GRIP1: variants seen among roughly 807,000 people sequenced by gnomAD.
GRIP1 encodes the protein glutamate receptor-interacting protein 1.
In GRIP1, 45 loss-of-function variants were observed where a neutral mutation model predicts 129.9. The observed-to-expected ratio is 0.35, with a 90% CI of 0.27 to 0.44. The LOEUF (loss-of-function observed/expected upper bound fraction) is 0.44. Among genes scored for constraint, GRIP1 ranks in the 20% least tolerant of loss-of-function variants. GRIP1 has a pLI of 1.00. For missense variants in GRIP1, 1,196 were observed against 1,396.8 expected, an observed-to-expected ratio of 0.86 and a Z score of 2.29; for synonymous variants, 530 against 520.8, an observed-to-expected ratio of 1.02 and a Z score of -0.24.
intron 16 of GRIP1, among the ~76,000 whole-genome samples, chr12:66,405,248 T>C (rs2057149365): frequency 6.6e-6 from 1 of 152,000 alleles, no homozygotes. Flanking sequence ...ACAAAAAGAC[T>C]TGTAAGTATA....
intron 1 of GRIP1, among the ~76,000 whole-genome samples, chr12:66,841,419 G>A (rs2039713791): frequency 6.6e-6 from 1 of 152,178 alleles, no homozygotes; most frequent in Non-Finnish European, 1.5e-5. Flanking sequence ...TATAAAAAGA[G>A]AGAGAGAGAT....
At chr12:66,772,800 G>A (rs1157337109) in intron 1 of GRIP1, among the ~76,000 whole-genome samples, 1 of 152,112 alleles carries the variant, frequency 6.6e-6, no homozygotes, top group East Asian at 1.9e-4. Context: ...ACAAAGTATA[G>A]CACAAATGGG....
chr12:66,693,458 C>T lies in GRIP1; in HGVS notation c.-419-63122G>A, dbSNP rs1002016165. Reference sequence around the variant, plus strand: ...ATACATTCTCCAGGTCACCCCAGTCCCCACTAGGGTTCCTTCATTCACTGT... The same window carrying T: ...ATACATTCTCCAGGTCACCCCAGTCTCCACTAGGGTTCCTTCATTCACTGT... On this transcript the variant is annotated intron_variant, in intron 1 of 4. Transcript: ENST00000538373. Among the ~76,000 whole-genome samples, 24 of 152,088 alleles carry T rather than the reference C, an allele frequency of 1.6e-4. 1 individual carries two copies. Among genetic ancestry groups the T allele is most frequent in the African/African-American group, 5.6e-4 (23 of 41,402 alleles).
At chr12:66,585,935 G>A (rs1309297795) in intron 2 of GRIP1, among the ~76,000 whole-genome samples, 1 of 152,120 alleles carries the variant, frequency 6.6e-6, no homozygotes, top group East Asian at 1.9e-4. Context: ...CCTCTTCAAA[G>A]ACTGCTTTTG....
intron 1 of GRIP1, among the ~76,000 whole-genome samples, chr12:66,870,263 T>G (rs944579959): frequency 1.3e-5 from 2 of 152,120 alleles, no homozygotes; most frequent in African/African-American, 4.8e-5. Context: ...TCTATGGGTA[T>G]AGCTGAAGGG....
intron 1 of GRIP1, among the ~76,000 whole-genome samples, chr12:66,912,755 T>C (rs2137319318): frequency 6.6e-6 from 1 of 152,204 alleles, no homozygotes; most frequent in Admixed American, 6.5e-5. Flanking sequence ...GTGAGGGTAT[T>C]TTTGTGGGGG....
At chr12:66,839,785 C>A (rs896743440) in intron 1 of GRIP1, among the ~76,000 whole-genome samples, 1 of 152,194 alleles carries the variant, frequency 6.6e-6, no homozygotes, top group African/African-American at 2.4e-5. Context: ...GAGTTCAGCT[C>A]AACAAGTATT....
chr12:66,783,716 T>A (rs2038230203), intron 1 of GRIP1, among the ~76,000 whole-genome samples: 1 of 152,166 alleles, frequency 6.6e-6, no homozygotes, highest in South Asian at 2.1e-4. Flanking sequence ...AGAGTCTAGG[T>A]AACCACTTAT....
rs1001478436 is a variant in GRIP1, at chr12:66,760,007, A to C, written c.-420+44046T>G. On this transcript the variant is annotated intron_variant, in intron 1 of 4. Transcript: ENST00000538373. Reference sequence around the variant, plus strand: ...GTAGCTGGGACTAAAGGCACCCACCACCATGCCTGGCTAAGTTTTTGTGTT... The same window carrying C: ...GTAGCTGGGACTAAAGGCACCCACCCCCATGCCTGGCTAAGTTTTTGTGTT... Among the ~76,000 whole-genome samples, 6 of 151,820 alleles carry C rather than the reference A, an allele frequency of 4.0e-5. No homozygotes were observed. In the East Asian group the frequency reaches 5.8e-4, roughly 15 times the overall value.
chr12:66,829,702 G>A (rs901583657), intron 1 of GRIP1, among the ~76,000 whole-genome samples: 2 of 152,144 alleles, frequency 1.3e-5, no homozygotes, highest in African/African-American at 4.8e-5. Flanking sequence ...TATAGCTCAA[G>A]CGCTTTCCCA....
chr12:66,814,009 G>A (rs1029692672), intron 1 of GRIP1, among the ~76,000 whole-genome samples: 2 of 152,110 alleles, frequency 1.3e-5, no homozygotes, highest in African/African-American at 2.4e-5. Flanking sequence ...TACTGTGATA[G>A]TATTACTATG....
chr12:66,371,566 G>C, intron 23 of GRIP1, 128 bp downstream of exon 23: 1 of 733,938 alleles, frequency 1.4e-6, no homozygotes, highest in Non-Finnish European at 2.5e-6. Context: ...CTGAAGATCT[G>C]TTTTTAAGCT....
At chr12:66,794,920 C>T (rs900638044) in intron 1 of GRIP1, among the ~76,000 whole-genome samples, 3 of 152,092 alleles carry the variant, frequency 2.0e-5, no homozygotes, top group African/African-American at 4.8e-5. Context: ...TGGGGATTCC[C>T]CAATTCTACT....
chr12:66,888,645 G>A (rs968947143), intron 1 of GRIP1, among the ~76,000 whole-genome samples: 1 of 152,208 alleles, frequency 6.6e-6, no homozygotes, highest in African/African-American at 2.4e-5. Flanking sequence ...TTACAGGCAT[G>A]AGCCACCTTG....
At chr12:66,698,968 T>G (rs1235499144) in intron 1 of GRIP1, among the ~76,000 whole-genome samples, 1 of 152,158 alleles carries the variant, frequency 6.6e-6, no homozygotes, top group Non-Finnish European at 1.5e-5. Context: ...AAGTTCTCAG[T>G]CATGCAGCAG....
At chr12:66,645,867 A>G (rs1166057537) in intron 1 of GRIP1, among the ~76,000 whole-genome samples, 2 of 152,222 alleles carry the variant, frequency 1.3e-5, no homozygotes, top group East Asian at 1.9e-4. Flanking sequence ...CTTTGTATCA[A>G]TATCAGGAGG....
chr12:66,959,020 A>C (rs973740527), intron 1 of GRIP1, among the ~76,000 whole-genome samples: 1 of 152,208 alleles, frequency 6.6e-6, no homozygotes, highest in Admixed American at 6.5e-5. Context: ...TCCTAGATGG[A>C]TGAACAACGT....
intron 1 of GRIP1, among the ~76,000 whole-genome samples, chr12:67,017,731 G>A (rs2042809082): frequency 6.6e-6 from 1 of 152,152 alleles, no homozygotes; most frequent in Admixed American, 6.6e-5. Context: ...CTTGGAAGAA[G>A]CAACCAAGAA....
chr12:66,915,478 G>A (rs754367918), intron 1 of GRIP1, among the ~76,000 whole-genome samples: 1 of 152,148 alleles, frequency 6.6e-6, no homozygotes, highest in South Asian at 2.1e-4. Flanking sequence ...GGTGACAAAG[G>A]CGAGTGAGAC....
Sources: gnomAD v4.1 joint callset for allele counts (sites outside exome capture counted in the v4.1 genomes callset) on GRCh38, gnomAD v4.1.1 for gene constraint, MANE v1.5 for transcripts, NCBI Gene and HGNC (gene_info 2026-07-23, HGNC 2026-07-21) for gene names.